Variants in TBL1X observed in about 807,000 individuals in gnomAD.
TBL1X encodes F-box-like/WD repeat-containing protein TBL1X.
In TBL1X, 10 loss-of-function variants were observed where a neutral mutation model predicts 50.7. The observed-to-expected ratio is 0.20, with a 90% CI of 0.12 to 0.33. TBL1X has a LOEUF of 0.33. Among genes scored for constraint, TBL1X ranks in the 10% least tolerant of loss-of-function variants. The pLI is 1.00. For synonymous variants in TBL1X, 190 were observed against 214.7 expected (o/e 0.88, Z 1.01); for missense variants, 340 against 504.4 (o/e 0.67, Z 3.12).
At chrX:9,547,304 T>C (rs1449235333) in intron 2 of TBL1X, among the ~76,000 whole-genome samples, 1 of 110,021 alleles carries the variant, frequency 9.1e-6, no homozygotes, top group African/African-American at 3.3e-5. Context: ...CTTTAATCTA[T>C]GTCGTTTCAT....
At chrX:9,556,286 G>C (rs2082299113) in intron 2 of TBL1X, among the ~76,000 whole-genome samples, 1 of 110,994 alleles carries the variant, frequency 9.0e-6, no homozygotes, top group Non-Finnish European at 1.9e-5. Flanking sequence ...TGGTGGGGGA[G>C]AAGGTGGATT....
chrX:9,492,894 T>TGTGTGTGTGTGTGTGTGTGTGG (rs796965171), intron 1 of TBL1X, among the ~76,000 whole-genome samples: 2 of 24,171 alleles, frequency 8.3e-5, no homozygotes, highest in Non-Finnish European at 1.0e-4. Flanking sequence ...TGTGTGTGTG[T>TGTGTGTGTGTGTGTGTGTGTGG]GTGTAGGGGA....
chrX:9,554,109 G>A (rs1356916348), intron 2 of TBL1X, among the ~76,000 whole-genome samples: 1 of 112,330 alleles, frequency 8.9e-6, no homozygotes, highest in African/African-American at 3.2e-5. Context: ...TTAAATTCCT[G>A]GGTTCAAGTG....
Position 9,522,611 on chromosome X carries a change from C to T in TBL1X, c.-131+20762C>T, listed in dbSNP as rs1053415421. ...CTGGATTCCAGCCTTGTGTGTTTCT[C>T]ATTATGACTATGTAAATGCCAGGAG... On this transcript the variant is annotated intron_variant, in intron 2 of 17. Coordinates refer to ENST00000645353, the MANE Select transcript of TBL1X (RefSeq NM_005647.4). 2.7e-5 allele frequency among the ~76,000 whole-genome samples: 3 copies of T among 111,992 alleles called. No individual in the cohort carries two copies. In the Admixed American group the frequency reaches 2.8e-4, roughly 11 times the overall value.
chrX:9,527,420 T>A (rs1479719159), intron 2 of TBL1X, among the ~76,000 whole-genome samples: 1 of 111,405 alleles, frequency 9.0e-6, no homozygotes, highest in Non-Finnish European at 1.9e-5. Context: ...CTCTAGGCCG[T>A]ATTTAGGCAC....
chrX:9,504,602 C>CAT (rs752692908), intron 2 of TBL1X, among the ~76,000 whole-genome samples: 131 of 112,392 alleles, frequency 1.2e-3, no homozygotes, highest in African/African-American at 3.6e-3. Context: ...TAGAGAGGAA[C>CAT]ATAAGCAACC....
intron 2 of TBL1X, among the ~76,000 whole-genome samples, chrX:9,539,742 C>T (rs968966220): frequency 9.8e-5 from 11 of 111,802 alleles, no homozygotes; most frequent in African/African-American, 3.3e-4. Context: ...TGTAGTCCTG[C>T]ACCTGGCACA....
chrX:9,609,338 TGTG>T (rs901696982), intron 2 of TBL1X, among the ~76,000 whole-genome samples: 6 of 57,103 alleles, frequency 1.1e-4, no homozygotes, highest in South Asian at 1.1e-3. Context: ...TTCTTCCAGG[TGTG>T]TGTGTGTGTG....
chrX:9,476,952 T>C (rs1400832010), intron 1 of TBL1X, among the ~76,000 whole-genome samples: 1 of 112,422 alleles, frequency 8.9e-6, no homozygotes, highest in Non-Finnish European at 1.9e-5. Context: ...AAATATAGAA[T>C]AAGATTAGCT....
chrX:9,664,915 A>T (rs2082918446), intron 5 of TBL1X, among the ~76,000 whole-genome samples: 1 of 111,084 alleles, frequency 9.0e-6, no homozygotes, highest in Admixed American at 9.5e-5. Context: ...CTCTATTACA[A>T]TGGAGAGAGA....
intron 2 of TBL1X, among the ~76,000 whole-genome samples, chrX:9,575,677 T>C (rs1055549015): frequency 1.8e-5 from 2 of 112,041 alleles, no homozygotes; most frequent in Non-Finnish European, 3.8e-5. Context: ...GCAAAGTCAT[T>C]TTTTTTGAAA....
chrX:9,518,859 A>G (rs1027143344), intron 2 of TBL1X, among the ~76,000 whole-genome samples: 27 of 110,802 alleles, frequency 2.4e-4, no homozygotes, highest in African/African-American at 8.2e-4. Context: ...CCACACAGGC[A>G]GACTGTCCAT....
chrX:9,713,027 G>C (rs1290914692), intron 16 of TBL1X, among the ~76,000 whole-genome samples: 1 of 111,309 alleles, frequency 9.0e-6, no homozygotes, highest in East Asian at 2.8e-4. Flanking sequence ...CATTCAGGTG[G>C]ATTTATACCC....
At chrX:9,491,328 ATATATATATAT>A (rs1230828676) in intron 1 of TBL1X, among the ~76,000 whole-genome samples, 2 of 23,221 alleles carry the variant, frequency 8.6e-5, no homozygotes, top group African/African-American at 1.6e-4. Context: ...ATATATATAT[ATATATATATAT>A]TTTTTTTTTT....
At chrX:9,659,913 G>C (rs976078370) in intron 5 of TBL1X, among the ~76,000 whole-genome samples, 3 of 112,589 alleles carry the variant, frequency 2.7e-5, no homozygotes. Context: ...AACCTGTCAG[G>C]GTCACAGTTT....
chrX:9,473,659 A>G (rs2081831585), intron 1 of TBL1X, among the ~76,000 whole-genome samples: 1 of 112,173 alleles, frequency 8.9e-6, no homozygotes, highest in Non-Finnish European at 1.9e-5. Context: ...CATTTGGGAC[A>G]GTTCTGTCCC....
intron 7 of TBL1X, among the ~76,000 whole-genome samples, chrX:9,689,920 C>G (rs1302889176): frequency 2.7e-5 from 3 of 112,609 alleles, no homozygotes; most frequent in Non-Finnish European, 3.7e-5. Context: ...TCGAGCTAAG[C>G]AGGACCACCA....
chrX:9,541,446 G>C (rs1484094187), intron 2 of TBL1X, among the ~76,000 whole-genome samples: 1 of 112,182 alleles, frequency 8.9e-6, no homozygotes, highest in Non-Finnish European at 1.9e-5. Flanking sequence ...AGTTGTTGGA[G>C]CCCATGGGAA....
chrX:9,718,361 C>T lies in TBL1X; in HGVS notation c.*2115C>T, dbSNP rs1297666602. Reference sequence around the variant, plus strand: ...TTGGGTATGTGAATTATTCATGTCCCAGAAGACCAAAAAGTGCTCTGGTTC... The same window carrying T: ...TTGGGTATGTGAATTATTCATGTCCTAGAAGACCAAAAAGTGCTCTGGTTC... On this transcript the variant is annotated 3_prime_UTR_variant, in exon 18 of 18. Transcript: ENST00000645353. 8.9e-6 allele frequency: 1 copy of T among 111,804 alleles called. No homozygotes were observed. Among genetic ancestry groups the T allele is most frequent in the Non-Finnish European group, 1.9e-5 (1 of 53,154 alleles). 9.2% of individuals were successfully genotyped at this position (111,804 alleles called of 1,213,427 possible).
Sources: allele counts gnomAD v4.1 joint callset (sites outside exome capture counted in the v4.1 genomes callset), GRCh38; gene constraint gnomAD v4.1.1; transcripts MANE v1.5; gene names NCBI Gene and HGNC (gene_info 2026-07-23, HGNC 2026-07-21).